Variants in CLYBL observed in about 807,000 individuals in gnomAD.
The protein encoded by CLYBL is citramalyl-CoA lyase, mitochondrial.
CLYBL carries 31 observed loss-of-function variants against 38.9 expected under a neutral mutation model. The observed-to-expected ratio is 0.80, with a 90% CI of 0.60 to 1.08. The LOEUF (loss-of-function observed/expected upper bound fraction) is 1.08. CLYBL is among the 50% of genes least tolerant of loss of function. CLYBL has a pLI of 0.00. For missense variants in CLYBL, 434 were observed against 411.6 expected, an observed-to-expected ratio of 1.05 and a Z score of -0.47; for synonymous variants, 171 against 158.6, an observed-to-expected ratio of 1.08 and a Z score of -0.59.
In CLYBL at chr13:99,902,507, T is replaced by A. The variant is rs189661767; in HGVS notation, c.*25-2763T>A. On this transcript the variant is annotated intron_variant and NMD_transcript_variant, in intron 8 of 9. Transcript: ENST00000689673. ...AACTGGTTTGTTCAGAGGGCGCCAC[T>A]GGCCTTTTTTCTCTTCCTTCTCAAA... Among the ~76,000 whole-genome samples the A allele has an allele frequency of 3.5e-4, 53 of 152,360 alleles. 1 individual carries two copies. In the East Asian group the frequency reaches 9.6e-3, roughly 28 times the overall value.
intron 1 of CLYBL, among the ~76,000 whole-genome samples, chr13:99,680,312 G>A (rs565954690): frequency 3.9e-5 from 6 of 152,068 alleles, no homozygotes; most frequent in Admixed American, 2.0e-4. Flanking sequence ...CCATAAAAAC[G>A]TACTCCAATT....
chr13:99,841,696 G>T (rs373882258), intron 2 of CLYBL, among the ~76,000 whole-genome samples: 1 of 151,668 alleles, frequency 6.6e-6, no homozygotes, highest in Admixed American at 6.6e-5. Context: ...CACTGCGCCC[G>T]GCCACACACA....
At chr13:99,866,141 G>C in intron 5 of CLYBL, 99 bp from the exon 6 acceptor site, 1 of 1,164,026 alleles carries the variant, frequency 8.6e-7, no homozygotes, top group Non-Finnish European at 1.2e-6. Context: ...AATTTCCAGG[G>C]AGGTTTAGAT....
chr13:99,883,222 TAATA>T (rs2052260109), intron 7 of CLYBL, among the ~76,000 whole-genome samples: 1 of 152,062 alleles, frequency 6.6e-6, no homozygotes, highest in Non-Finnish European at 1.5e-5. Context: ...GTCAAGCAGC[TAATA>T]AATAGCAGAA....
chr13:99,606,902 G>A (rs1323111479), intron 1 of CLYBL, 145 bp downstream of exon 1: 5 of 1,258,156 alleles, frequency 4.0e-6, no homozygotes, highest in Middle Eastern at 3.0e-4. Context: ...CCCACGCGCT[G>A]GCTCGACCTC....
At chr13:99,730,601 A>G (rs1022625247) in intron 1 of CLYBL, among the ~76,000 whole-genome samples, 3 of 152,136 alleles carry the variant, frequency 2.0e-5, no homozygotes, top group Non-Finnish European at 2.9e-5. Context: ...CTCTGAGCAG[A>G]GGACTCCAGA....
chr13:99,751,207 T>C (rs1343101891), intron 1 of CLYBL, among the ~76,000 whole-genome samples: 1 of 151,854 alleles, frequency 6.6e-6, no homozygotes, highest in Admixed American at 6.6e-5. Context: ...TATAACATGG[T>C]TGAAGCTTGA....
intron 1 of CLYBL, among the ~76,000 whole-genome samples, chr13:99,722,128 C>T (rs1286844189): frequency 2.6e-5 from 4 of 152,196 alleles, no homozygotes; most frequent in Non-Finnish European, 5.9e-5. Flanking sequence ...AGGCCTCCTT[C>T]CTGTTTCTTT....
chr13:99,663,857 G>A (rs1180206903), intron 1 of CLYBL, among the ~76,000 whole-genome samples: 6 of 152,164 alleles, frequency 3.9e-5, no homozygotes, highest in Non-Finnish European at 5.9e-5. Flanking sequence ...GGGAAAGAGG[G>A]GAAAATAGAC....
chr13:99,888,893 T>TA (rs989730165), intron 7 of CLYBL, among the ~76,000 whole-genome samples: 76 of 152,212 alleles, frequency 5.0e-4, no homozygotes, highest in Middle Eastern at 3.4e-3. Flanking sequence ...ACCCACATGT[T>TA]AAAAAAATAC....
intron 2 of CLYBL, among the ~76,000 whole-genome samples, chr13:99,858,348 A>G (rs977751042): frequency 1.3e-5 from 2 of 152,216 alleles, no homozygotes; most frequent in African/African-American, 4.8e-5. Context: ...CTCAGTTGCA[A>G]AAAAATAGTG....
At chr13:99,896,183 C>G (rs550438464), downstream of CLYBL, 1 of 151,182 alleles carries the variant, frequency 6.6e-6, no homozygotes, top group Admixed American at 6.6e-5. Context: ...GCGGGCCGCC[C>G]GGAGCCCGCG....
intron 1 of CLYBL, among the ~76,000 whole-genome samples, chr13:99,702,534 A>T (rs968037388): frequency 3.3e-5 from 5 of 151,012 alleles, no homozygotes; most frequent in Non-Finnish European, 7.4e-5. Context: ...TAGGAGGCTG[A>T]GGCAGGAGAG....
intron 1 of CLYBL, among the ~76,000 whole-genome samples, chr13:99,718,458 T>G (rs1166962560): frequency 6.6e-6 from 1 of 152,088 alleles, no homozygotes; most frequent in African/African-American, 2.4e-5. Flanking sequence ...TAAGGGAGAT[T>G]CAGGAAAAGC....
At chr13:99,739,737 G>T (rs559754525) in intron 1 of CLYBL, among the ~76,000 whole-genome samples, 19 of 152,334 alleles carry the variant, frequency 1.2e-4, no homozygotes, top group African/African-American at 4.3e-4. Context: ...ACTTTAGGAG[G>T]CCGAGGTGGG....
chr13:99,746,355 ATT>A (rs34410635), intron 1 of CLYBL, among the ~76,000 whole-genome samples: 8,509 of 144,364 alleles, frequency 0.059, 501 homozygotes, highest in African/African-American at 0.15. Context: ...TTTAAATACT[ATT>A]TTTTTTTTTT....
chr13:99,789,078 T>G (rs917300010), intron 2 of CLYBL, among the ~76,000 whole-genome samples: 2 of 152,228 alleles, frequency 1.3e-5, no homozygotes, highest in Non-Finnish European at 2.9e-5. Context: ...TGCGTCTATT[T>G]GATTCTTCTC....
chr13:99,731,082 CA>C (rs764705741), intron 1 of CLYBL, among the ~76,000 whole-genome samples: 5,294 of 57,010 alleles, frequency 0.093, 34 homozygotes, highest in South Asian at 0.15. Flanking sequence ...GACTCTGTTT[CA>C]AAAAAAAAAA....
chr13:99,684,173 C>A (rs2047783483), intron 1 of CLYBL, among the ~76,000 whole-genome samples: 1 of 149,692 alleles, frequency 6.7e-6, no homozygotes, highest in Admixed American at 6.6e-5. Flanking sequence ...AGCCACCGGG[C>A]CTGGCATGTT....
Sources: gnomAD v4.1 joint callset for allele counts (sites outside exome capture counted in the v4.1 genomes callset) on GRCh38, gnomAD v4.1.1 for gene constraint, MANE v1.5 for transcripts, NCBI Gene and HGNC (gene_info 2026-07-23, HGNC 2026-07-21) for gene names.